Variants in GPR39 observed in about 807,000 individuals in gnomAD.
GPR39 encodes the protein zinc sensing receptor.
A neutral mutation model predicts 18.4 loss-of-function variants in GPR39; 23 were observed. That is an observed-to-expected ratio of 1.25 (90% confidence interval 0.90 to 1.77). The LOEUF is 1.77. GPR39 is among the 40% of genes most tolerant of loss of function. The pLI is 0.00. For synonymous variants in GPR39, 280 were observed against 257.9 expected (o/e 1.09, Z -0.82); for missense variants, 647 against 602.4 (o/e 1.07, Z -0.78).
chr2:132,540,810 T>C (rs1679848258), intron 1 of GPR39, among the ~76,000 whole-genome samples: 1 of 151,990 alleles, frequency 6.6e-6, no homozygotes, highest in South Asian at 2.1e-4. Flanking sequence ...CTTGCTCGAG[T>C]GTGGTATGAA....
At chr2:132,634,147 A>G (rs1421588774) in intron 1 of GPR39, among the ~76,000 whole-genome samples, 1 of 151,714 alleles carries the variant, frequency 6.6e-6, no homozygotes, top group Non-Finnish European at 1.5e-5. Flanking sequence ...ATGGTGATAG[A>G]GGTGGAGGTA....
At chr2:132,596,306 T>C (rs1476739484) in intron 1 of GPR39, among the ~76,000 whole-genome samples, 7 of 152,146 alleles carry the variant, frequency 4.6e-5, no homozygotes, top group African/African-American at 1.7e-4. Flanking sequence ...CAGTGGCCCA[T>C]GTCTAGGGGC....
At chr2:132,527,008 T>C (rs1679526659) in intron 1 of GPR39, among the ~76,000 whole-genome samples, 1 of 152,214 alleles carries the variant, frequency 6.6e-6, no homozygotes, top group Non-Finnish European at 1.5e-5. Flanking sequence ...TAAGTATACA[T>C]GTGCCATGGT....
intron 1 of GPR39, among the ~76,000 whole-genome samples, chr2:132,569,619 G>C (rs1468105532): frequency 2.6e-5 from 4 of 151,062 alleles, no homozygotes; most frequent in Non-Finnish European, 5.9e-5. Flanking sequence ...ACCATACTGG[G>C]TGGGGCAGTG....
intron 1 of GPR39, among the ~76,000 whole-genome samples, chr2:132,487,590 T>C (rs1681366236): frequency 1.3e-5 from 2 of 151,730 alleles, no homozygotes; most frequent in South Asian, 4.2e-4. Context: ...TTAAGCAGAG[T>C]TGACAAAGAA....
intron 1 of GPR39, among the ~76,000 whole-genome samples, chr2:132,469,337 A>G (rs1680987794): frequency 6.6e-6 from 1 of 152,198 alleles, no homozygotes; most frequent in Non-Finnish European, 1.5e-5. Flanking sequence ...GACTTCCTGC[A>G]CCATGGGGTC....
intron 1 of GPR39, among the ~76,000 whole-genome samples, chr2:132,514,286 A>C (rs1336202462): frequency 6.6e-6 from 1 of 151,744 alleles, no homozygotes; most frequent in East Asian, 1.9e-4. Context: ...ATGTACCCCT[A>C]CTGTGGCATG....
chr2:132,605,044 A>G (rs1402091639), intron 1 of GPR39: 11 of 152,210 alleles, frequency 7.2e-5, no homozygotes, highest in Non-Finnish European at 1.3e-4. Flanking sequence ...TGTTTGCCTT[A>G]TTTTACTGTT....
At chr2:132,446,005 G>C (rs1342885024) in intron 1 of GPR39, among the ~76,000 whole-genome samples, 2 of 152,154 alleles carry the variant, frequency 1.3e-5, no homozygotes, top group African/African-American at 4.8e-5. Flanking sequence ...GCGGGGGTGT[G>C]TTTTGAGGAA....
In GPR39 at chr2:132,417,811, C is replaced by G. The variant is rs373444432; in HGVS notation, c.769C>G (p.Leu257Val). ...GCTCATGAAAAGCCAGAAGGGCTCG[C>G]TGGCCGGGGGCACGCGGCCTCCGCA... is the stretch of plus-strand genomic sequence containing the variant. The part of the protein sequence containing the change: ...QVLMKSQKGS[L>V]AGGTRPPQLR... Residue 257 changes from leucine (L) to valine (V), a missense_variant, in exon 1 of 2, where the codon CTG becomes GTG. Physicochemically the swap from Leu to Val is conservative, Grantham distance 32. Transcript: ENST00000329321. 2.0e-5 allele frequency: 32 copies of G among 1,613,948 alleles called. No homozygotes were observed. Among genetic ancestry groups the G allele is most frequent in the Non-Finnish European group, 2.5e-5 (30 of 1,180,044 alleles).
intron 1 of GPR39, 73 bp downstream of exon 1, chr2:132,417,971 G>A: frequency 3.3e-6 from 5 of 1,504,568 alleles, no homozygotes; most frequent in Non-Finnish European, 4.4e-6. Context: ...ACTGCCTGTG[G>A]CCCTCTCCAG....
chr2:132,607,043 C>A (rs1046982243), intron 1 of GPR39, among the ~76,000 whole-genome samples: 1 of 152,158 alleles, frequency 6.6e-6, no homozygotes, highest in Non-Finnish European at 1.5e-5. Flanking sequence ...ACTCTTTAAT[C>A]TGAGAAACGT....
In GPR39 at chr2:132,416,921, T is replaced by G; in HGVS notation, c.-122T>G. ...ACTAAGTTACCTTCGCGAGGAGAAC[T>G]CGAGTGAGATAAAATCGTGCGCCCA... On this transcript the variant is annotated 5_prime_UTR_variant, in exon 1 of 2. Transcript: ENST00000329321. The G allele has an allele frequency of 1.6e-6, 2 of 1,252,460 alleles. No homozygotes were observed. The highest frequency in any genetic ancestry group is 2.2e-6 in the Non-Finnish European group (2 of 900,722). 77.6% of individuals were successfully genotyped at this position (1,252,460 alleles called of 1,614,324 possible).
At chr2:132,636,694 G>T (rs750211784) in intron 1 of GPR39, among the ~76,000 whole-genome samples, 21 of 152,198 alleles carry the variant, frequency 1.4e-4, no homozygotes, top group Non-Finnish European at 2.4e-4. Context: ...TCTTTTCAGT[G>T]CCAGCATTCT....
At chr2:132,634,437 T>C (rs1219897843) in intron 1 of GPR39, among the ~76,000 whole-genome samples, 2 of 152,084 alleles carry the variant, frequency 1.3e-5, no homozygotes, top group Non-Finnish European at 2.9e-5. Context: ...AAGGAATCCT[T>C]TGTTGGGAAA....
intron 1 of GPR39, among the ~76,000 whole-genome samples, chr2:132,526,893 A>G (rs975867618): frequency 6.6e-6 from 1 of 152,232 alleles, no homozygotes; most frequent in African/African-American, 2.4e-5. Context: ...ATAATGTGCT[A>G]GACCCTTTTT....
intron 1 of GPR39, among the ~76,000 whole-genome samples, chr2:132,551,838 A>C (rs572550815): frequency 6.6e-6 from 1 of 152,318 alleles, no homozygotes. Context: ...TGCTGCTTGC[A>C]CCTATAGTTC....
chr2:132,623,339 C>A (rs551160518), intron 1 of GPR39, among the ~76,000 whole-genome samples: 2 of 152,046 alleles, frequency 1.3e-5, no homozygotes. Context: ...GGACTCCACG[C>A]TCCTGATACC....
At position 132,505,793 on chromosome 2, in the gene GPR39, A is replaced by G. The variant is rs372296227; in HGVS notation, c.856+87895A>G. On this transcript the variant is annotated intron_variant, in intron 1 of 1. Coordinates refer to ENST00000329321, the MANE Select transcript of GPR39 (RefSeq NM_001508.3). ...ATATATGTCACATTTTTAAAAATCC[A>G]TTCATCCATTGGTGGACACTTAGGC... is the stretch of plus-strand genomic sequence containing the variant. Among the ~76,000 whole-genome samples the G allele has an allele frequency of 1.1e-4, 16 of 152,336 alleles. 1 individual carries two copies. The South Asian group carries it at 3.3e-3, about 32-fold the overall frequency.
Sources: gnomAD v4.1 joint callset for allele counts (sites outside exome capture counted in the v4.1 genomes callset) on GRCh38, gnomAD v4.1.1 for gene constraint, MANE v1.5 for transcripts, NCBI Gene and HGNC (gene_info 2026-07-23, HGNC 2026-07-21) for gene names.